ANKRD30B: variants seen among roughly 807,000 people sequenced by gnomAD.
The protein encoded by ANKRD30B is ankyrin repeat domain-containing protein 30B.
ANKRD30B carries 144 observed loss-of-function variants against 202.2 expected under a neutral mutation model. The observed-to-expected ratio is 0.71, with a 90% CI of 0.62 to 0.82. The LOEUF is 0.82. ANKRD30B is among the 40% of genes least tolerant of loss of function. The probability of loss-of-function intolerance (pLI) is 0.00; values close to 1 mark genes in which losing one functional copy is unlikely to be tolerated. For missense variants in ANKRD30B, 1,487 were observed against 1,669.1 expected (o/e 0.89, Z 1.90); for synonymous variants, 508 against 561.3 (o/e 0.91, Z 1.34).
At chr18:14,784,274 T>C in intron 12 of ANKRD30B, 62 bp from the exon 13 acceptor site, 1 of 1,510,536 alleles carries the variant, frequency 6.6e-7, no homozygotes. Context: ...TATCACTGCA[T>C]TCACTCGGTT....
intron 8 of ANKRD30B, among the ~76,000 whole-genome samples, chr18:14,769,733 G>T (rs1220999178): frequency 2.6e-5 from 4 of 152,142 alleles, no homozygotes; most frequent in Non-Finnish European, 5.9e-5. Flanking sequence ...GGTCCAGATT[G>T]GATCAATTCA....
At chr18:14,911,587 A>C in the ANKRD30B span, among the ~76,000 whole-genome samples, 1 of 145,516 alleles carries the variant, frequency 6.9e-6, no homozygotes, top group Non-Finnish European at 1.5e-5. Context: ...CTTTGTGCAC[A>C]TGATTGCTTT....
At chr18:14,775,530 C>A (rs1470443963) in intron 9 of ANKRD30B, among the ~76,000 whole-genome samples, 1 of 152,166 alleles carries the variant, frequency 6.6e-6, no homozygotes, top group Non-Finnish European at 1.5e-5. Flanking sequence ...CAGTATAGAT[C>A]TGAAGGAACA....
At chr18:14,830,271 C>T (rs890343010) in intron 33 of ANKRD30B, 2 of 153,420 alleles carry the variant, frequency 1.3e-5, no homozygotes, top group African/African-American at 4.8e-5. Context: ...ATCCAACTAT[C>T]AGGACTCAGT....
chr18:14,896,103 T>C, the ANKRD30B span, among the ~76,000 whole-genome samples: 5 of 151,862 alleles, frequency 3.3e-5, no homozygotes, highest in Non-Finnish European at 7.4e-5. Flanking sequence ...TGGGGGGAAA[T>C]GGAGATTGTT....
the ANKRD30B span, among the ~76,000 whole-genome samples, chr18:14,927,465 G>C: frequency 1.2e-4 from 19 of 152,266 alleles, no homozygotes; most frequent in African/African-American, 4.6e-4. Context: ...ATCTTACTGT[G>C]CCCTTCTTTC....
At chr18:14,765,469 AAAAAAG>A (rs1296300617) in intron 7 of ANKRD30B, among the ~76,000 whole-genome samples, 4 of 152,092 alleles carry the variant, frequency 2.6e-5, no homozygotes, top group South Asian at 2.1e-4. Context: ...TCTGAAAAAA[AAAAAAG>A]AAAAAGAAAA....
chr18:14,870,021 A>G, the ANKRD30B span, among the ~76,000 whole-genome samples: 3 of 151,968 alleles, frequency 2.0e-5, no homozygotes, highest in Non-Finnish European at 4.4e-5. Flanking sequence ...TTTTTAGTAG[A>G]GATGAGGTTT....
At position 14,764,983 on chromosome 18, in the gene ANKRD30B, G is replaced by C. The variant is rs568535872; in HGVS notation, c.1225+893G>C. ...GAATAATGAATATCTAAATAAACTT[G>C]TGTTTCTGCAGCAAAAAAAGAATAA... On this transcript the variant is annotated intron_variant, in intron 7 of 43. Coordinates refer to ENST00000690538, the MANE Select transcript of ANKRD30B (RefSeq NM_001367607.2). 4.6e-5 allele frequency among the ~76,000 whole-genome samples: 7 copies of C among 152,260 alleles called. No individual in the cohort carries two copies. The South Asian group carries it at 8.3e-4, about 18-fold the overall frequency.
the ANKRD30B span, among the ~76,000 whole-genome samples, chr18:14,937,498 A>G: frequency 9.9e-5 from 15 of 152,248 alleles, no homozygotes; most frequent in African/African-American, 3.4e-4. Flanking sequence ...AAGCCACTCC[A>G]GCCTCTGATG....
At chr18:14,780,467 A>T (rs1216694093) in intron 11 of ANKRD30B, among the ~76,000 whole-genome samples, 1 of 152,140 alleles carries the variant, frequency 6.6e-6, no homozygotes, top group African/African-American at 2.4e-5. Flanking sequence ...ACTTAAAAAA[A>T]ATCTATGTGG....
chr18:14,896,228 T>C, the ANKRD30B span, among the ~76,000 whole-genome samples: 1 of 151,494 alleles, frequency 6.6e-6, no homozygotes, highest in Non-Finnish European at 1.5e-5. Flanking sequence ...GCCTCCCAGG[T>C]TTGTGCCATT....
intron 36 of ANKRD30B, among the ~76,000 whole-genome samples, chr18:14,839,214 A>G (rs1971305413): frequency 6.6e-6 from 1 of 152,326 alleles, no homozygotes; most frequent in Non-Finnish European, 1.5e-5. Context: ...AATTACTGTA[A>G]CTTTTTCTTT....
chr18:14,928,477 G>A, the ANKRD30B span, among the ~76,000 whole-genome samples: 1 of 152,260 alleles, frequency 6.6e-6, no homozygotes, highest in African/African-American at 2.4e-5. Context: ...GAACAAAGTG[G>A]TGGAGGAAGG....
At chr18:14,811,493 G>T (rs1969921035) in intron 28 of ANKRD30B, among the ~76,000 whole-genome samples, 1 of 150,444 alleles carries the variant, frequency 6.6e-6, no homozygotes, top group Non-Finnish European at 1.5e-5. Flanking sequence ...TTAGAGGCGT[G>T]AGCCACCGCG....
chr18:14,903,629 G>A, the ANKRD30B span: 9 of 152,316 alleles, frequency 5.9e-5, no homozygotes, highest in East Asian at 1.9e-4. Context: ...GACAGAGAAC[G>A]TTCTCCTCCA....
rs561270102 is a variant in ANKRD30B at position 14,805,614 on chromosome 18, T to G, written c.2284+1790T>G. ...AAATCTACATTCAGCTGAACTCTCA[T>G]CCGAACTGTGTACTTTCTCAATGAC... On this transcript the variant is annotated intron_variant, in intron 24 of 43. Coordinates refer to ENST00000690538, the MANE Select transcript of ANKRD30B (RefSeq NM_001367607.2). Among the ~76,000 whole-genome samples the G allele has an allele frequency of 1.7e-3, 253 of 150,834 alleles. 7 individuals are homozygous for G. The highest frequency in any genetic ancestry group is 9.7e-4 in the East Asian group (5 of 5,164).
At chr18:14,852,503 T>G in intron 42 of ANKRD30B, 83 bp downstream of exon 42, 1 of 1,422,012 alleles carries the variant, frequency 7.0e-7, no homozygotes, top group Admixed American at 3.0e-5. Flanking sequence ...GTTGAATATA[T>G]ATATATATAA....
At chr18:14,906,746 G>A in the ANKRD30B span, among the ~76,000 whole-genome samples, 1 of 152,156 alleles carries the variant, frequency 6.6e-6, no homozygotes. Context: ...CCATATAGGA[G>A]TGACCATGGC....
Sources: allele counts gnomAD v4.1 joint callset (sites outside exome capture counted in the v4.1 genomes callset), GRCh38; gene constraint gnomAD v4.1.1; transcripts MANE v1.5; gene names NCBI Gene and HGNC (gene_info 2026-07-23, HGNC 2026-07-21).